PDZD2: variants seen among roughly 807,000 people sequenced by gnomAD.
PDZD2 encodes PDZ domain-containing protein 2.
In PDZD2, 90 loss-of-function variants were observed where a neutral mutation model predicts 220.7. The observed-to-expected ratio is 0.41, with a 90% CI of 0.34 to 0.49. The LOEUF is 0.49. Ranked by LOEUF, PDZD2 falls within the 20% of genes least tolerant of loss-of-function variation. The pLI, the probability that PDZD2 is intolerant of heterozygous loss-of-function variation, is 0.28. For synonymous variants in PDZD2, 1,375 were observed against 1,450.5 expected (o/e 0.95, Z 1.18); for missense variants, 3,174 against 3,608.5 (o/e 0.88, Z 3.08).
intron 1 of PDZD2, among the ~76,000 whole-genome samples, chr5:31,721,539 GA>G (rs1332349362): frequency 2.6e-5 from 3 of 114,972 alleles, no homozygotes; most frequent in Non-Finnish European, 3.6e-5. Context: ...TTTTTTTTTA[GA>G]AAAAGTATTA....
At chr5:31,990,214 C>T (rs1751102785) in intron 3 of PDZD2, among the ~76,000 whole-genome samples, 1 of 152,150 alleles carries the variant, frequency 6.6e-6, no homozygotes, top group South Asian at 2.1e-4. Flanking sequence ...ATTTTTGGTT[C>T]CAGCAGTAAT....
intron 1 of PDZD2, among the ~76,000 whole-genome samples, chr5:31,662,955 C>G (rs996748396): frequency 2.6e-5 from 4 of 152,158 alleles, no homozygotes; most frequent in Admixed American, 2.6e-4. Flanking sequence ...AATGCTATCA[C>G]TATGGAGGTT....
chr5:31,787,654 T>C (rs565409940), intron 1 of PDZD2: 39 of 152,224 alleles, frequency 2.6e-4, no homozygotes, highest in Admixed American at 1.6e-3. Flanking sequence ...AACCCAGAAA[T>C]TGAAGGATCT....
intron 1 of PDZD2, among the ~76,000 whole-genome samples, chr5:31,751,277 T>A (rs994486373): frequency 8.1e-5 from 12 of 148,508 alleles, no homozygotes; most frequent in Admixed American, 2.7e-4. Flanking sequence ...ATGATTAAAT[T>A]GACCGTTTCT....
chr5:32,027,354 A>G (rs1314123972), intron 6 of PDZD2, among the ~76,000 whole-genome samples: 1 of 152,204 alleles, frequency 6.6e-6, no homozygotes, highest in Non-Finnish European at 1.5e-5. Context: ...TCAACTTTCT[A>G]AGGAACCAAG....
intron 2 of PDZD2, among the ~76,000 whole-genome samples, chr5:31,926,889 A>AT (rs1744830418): frequency 6.6e-6 from 1 of 152,262 alleles, no homozygotes; most frequent in Admixed American, 6.5e-5. Context: ...CGACACAGTC[A>AT]TAAAAAAAAT....
chr5:31,658,063 T>C (rs1423141349), intron 1 of PDZD2, among the ~76,000 whole-genome samples: 1 of 152,180 alleles, frequency 6.6e-6, no homozygotes, highest in Non-Finnish European at 1.5e-5. Context: ...TGCTAGCTGC[T>C]AAGCATTTCT....
chr5:31,797,247 A>G (rs1281924713), intron 1 of PDZD2, among the ~76,000 whole-genome samples: 1 of 150,610 alleles, frequency 6.6e-6, no homozygotes, highest in Non-Finnish European at 1.5e-5. Flanking sequence ...CCAGCCTGAT[A>G]TTTACTGTTT....
intron 2 of PDZD2, among the ~76,000 whole-genome samples, chr5:31,888,924 G>A (rs1043782809): frequency 2.0e-5 from 3 of 152,166 alleles, no homozygotes; most frequent in Non-Finnish European, 2.9e-5. Flanking sequence ...TCCCAGTCAA[G>A]ATACCCTCAT....
At chr5:31,948,957 G>C (rs1356934929) in intron 2 of PDZD2, among the ~76,000 whole-genome samples, 2 of 151,930 alleles carry the variant, frequency 1.3e-5, no homozygotes, top group Non-Finnish European at 2.9e-5. Context: ...AAATTAGCTG[G>C]GAGTAGTGGC....
At chr5:31,824,247 A>G (rs1756075939) in intron 2 of PDZD2, among the ~76,000 whole-genome samples, 1 of 152,224 alleles carries the variant, frequency 6.6e-6, no homozygotes, top group South Asian at 2.1e-4. Flanking sequence ...AAGCCCAGCC[A>G]TGCCATAGCT....
chr5:32,025,042 C>T (rs1258800844), intron 6 of PDZD2, among the ~76,000 whole-genome samples: 1 of 152,226 alleles, frequency 6.6e-6, no homozygotes, highest in Non-Finnish European at 1.5e-5. Flanking sequence ...GGCTCACCAG[C>T]ATCTCAGCTT....
Position 31,799,578 on chromosome 5 carries a change from G to T in PDZD2, c.330G>T (p.Gln110His). 6.2e-7 allele frequency: 1 copy of T among 1,614,204 alleles called. No homozygotes were observed. The highest frequency in any genetic ancestry group is 1.3e-5 in the African/African-American group (1 of 75,058). ...GGGGCAAGAAGAGGAAAACCCACCAGGGTCCTGTGCTGGATGTGGGCTGCA... is the reference window on the plus strand; with the variant it reads ...GGGGCAAGAAGAGGAAAACCCACCATGGTCCTGTGCTGGATGTGGGCTGCA... ...RRGGKKRKTH[Q>H]GPVLDVGCIW... The change falls in exon 2 of 25, where the codon CAG becomes CAT. Residue 110 changes from glutamine to histidine, a missense_variant. Around this residue, in one of 4 missense-constraint regions of PDZD2, gnomAD observed 632 missense variants for 708.1 expected, o/e 0.89. Coordinates refer to ENST00000438447, the MANE Select transcript of PDZD2 (RefSeq NM_178140.4).
intron 7 of PDZD2, among the ~76,000 whole-genome samples, chr5:32,039,713 G>GCCA (rs781418621): frequency 4.7e-5 from 6 of 128,622 alleles, no homozygotes; most frequent in African/African-American, 2.3e-4. Flanking sequence ...CTGCCCGGCC[G>GCCA]CCCCGTCTGG....
At chr5:31,740,630 T>C (rs1236494163) in intron 1 of PDZD2, among the ~76,000 whole-genome samples, 1 of 151,534 alleles carries the variant, frequency 6.6e-6, no homozygotes, top group Non-Finnish European at 1.5e-5. Flanking sequence ...TGCTCAACTT[T>C]AATTTTTCAG....
chr5:31,939,981 A>T (rs138766842), intron 2 of PDZD2, among the ~76,000 whole-genome samples: 1 of 152,360 alleles, frequency 6.6e-6, no homozygotes, highest in African/African-American at 2.4e-5. Context: ...GGGAATCAAT[A>T]ATTTCGTGGC....
intron 1 of PDZD2, among the ~76,000 whole-genome samples, chr5:31,673,489 T>C (rs1355479452): frequency 1.3e-5 from 2 of 151,940 alleles, no homozygotes; most frequent in African/African-American, 2.4e-5. Context: ...ATGAGGTGAG[T>C]TGGGGAAAGA....
intron 2 of PDZD2, among the ~76,000 whole-genome samples, chr5:31,862,109 T>G (rs900490930): frequency 1.4e-5 from 2 of 138,584 alleles, no homozygotes; most frequent in Admixed American, 7.2e-5. Flanking sequence ...GGGTTTTTTT[T>G]TTTTTTTTTT....
intron 2 of PDZD2, among the ~76,000 whole-genome samples, chr5:31,933,276 G>A (rs372361600): frequency 2.7e-4 from 41 of 152,008 alleles, no homozygotes; most frequent in African/African-American, 9.4e-4. Context: ...TCCTTTTTAC[G>A]GCTGAATAGT....
Sources: allele counts gnomAD v4.1 joint callset (sites outside exome capture counted in the v4.1 genomes callset), GRCh38; gene constraint gnomAD v4.1.1; regional missense constraint gnomAD v4.1.1; transcripts MANE v1.5; gene names NCBI Gene and HGNC (gene_info 2026-07-23, HGNC 2026-07-21).